Variants in KCND3 observed in about 807,000 individuals in gnomAD.
KCND3 encodes the protein A-type voltage-gated potassium channel KCND3.
KCND3 carries 9 observed loss-of-function variants against 51.1 expected under a neutral mutation model. That is an observed-to-expected ratio of 0.18 (90% CI 0.11 to 0.31). KCND3 has a LOEUF of 0.31. KCND3 is among the 10% of genes least tolerant of loss of function. KCND3 has a pLI of 1.00. For synonymous variants in KCND3, 349 were observed against 368.0 expected, an observed-to-expected ratio of 0.95 and a Z score of 0.59; for missense variants, 526 against 903.8, an observed-to-expected ratio of 0.58 and a Z score of 5.36.
chr1:111,979,874 T>C (rs72694640), intron 2 of KCND3, among the ~76,000 whole-genome samples: 8,672 of 152,244 alleles, frequency 0.057, 345 homozygotes, highest in Non-Finnish European at 0.082. Context: ...TTCCTCCACA[T>C]GGCTATCCTG....
intron 2 of KCND3, among the ~76,000 whole-genome samples, chr1:111,891,926 T>C (rs1292341960): frequency 6.6e-6 from 1 of 152,092 alleles, no homozygotes; most frequent in Non-Finnish European, 1.5e-5. Context: ...GACACCATCC[T>C]TGCCCTTATT....
intron 2 of KCND3, chr1:111,910,219 C>T (rs1195664089): frequency 6.6e-6 from 1 of 152,220 alleles, no homozygotes; most frequent in Non-Finnish European, 1.5e-5. Flanking sequence ...TTCGCACTGC[C>T]ATCCACAGAA....
chr1:111,859,286 C>T (rs1341992117), intron 2 of KCND3, among the ~76,000 whole-genome samples: 2 of 152,130 alleles, frequency 1.3e-5, no homozygotes, highest in Non-Finnish European at 2.9e-5. Flanking sequence ...TCTGAGTGCA[C>T]AGAGAAGCTC....
intron 2 of KCND3, among the ~76,000 whole-genome samples, chr1:111,972,376 T>G (rs985131690): frequency 8.6e-5 from 13 of 151,646 alleles, no homozygotes; most frequent in African/African-American, 3.1e-4. Flanking sequence ...GTTTCACCGT[T>G]TTAGCCGGGA....
intron 2 of KCND3, among the ~76,000 whole-genome samples, chr1:111,907,789 A>G (rs375799746): frequency 6.6e-6 from 1 of 152,232 alleles, no homozygotes; most frequent in South Asian, 2.1e-4. Flanking sequence ...TGGACTGGAA[A>G]GGAAAGCTGT....
chr1:111,847,231 T>C (rs1016526669), intron 2 of KCND3, among the ~76,000 whole-genome samples: 1 of 150,722 alleles, frequency 6.6e-6, no homozygotes, highest in Admixed American at 6.6e-5. Flanking sequence ...AGTATTGGGG[T>C]TTTCATATCA....
chr1:111,981,481 T>C lies in KCND3; in HGVS notation c.1106+140A>G. Reference sequence around the variant, plus strand: ...TGACTCATGGGCTTTACCCTTCGGATAGAGCAACTTCCCCTGCCCCCAACA... The same window carrying C: ...TGACTCATGGGCTTTACCCTTCGGACAGAGCAACTTCCCCTGCCCCCAACA... On this transcript the variant is annotated intron_variant, in intron 2 of 7. Transcript: ENST00000302127. The surrounding 1 kb of genome is among the most constrained non-coding windows in gnomAD (Gnocchi z 6.2). The C allele has an allele frequency of 5.6e-6, 7 of 1,245,438 alleles. No individual in the cohort carries two copies. Among genetic ancestry groups the C allele is most frequent in the Non-Finnish European group, 8.1e-6 (7 of 866,672 alleles). 77.1% of individuals were successfully genotyped at this position (1,245,438 alleles called of 1,614,324 possible).
chr1:111,808,188 A>T (rs1665666402), intron 2 of KCND3, among the ~76,000 whole-genome samples: 1 of 152,216 alleles, frequency 6.6e-6, no homozygotes, highest in Non-Finnish European at 1.5e-5. Context: ...AGAAGTAGGA[A>T]CTCAATAAAT....
At chr1:111,971,622 C>A in intron 2 of KCND3, among the ~76,000 whole-genome samples, 1 of 152,214 alleles carries the variant, frequency 6.6e-6, no homozygotes, top group East Asian at 1.9e-4. Context: ...GCCTGTTTAT[C>A]CTTTCTCCCT....
chr1:111,905,347 A>G (rs888872462), intron 2 of KCND3, among the ~76,000 whole-genome samples: 1 of 152,246 alleles, frequency 6.6e-6, no homozygotes, highest in East Asian at 1.9e-4. Flanking sequence ...TTGCTGTACC[A>G]GCACTCAGCT....
At chr1:111,790,460 T>A (rs1415500011) in intron 2 of KCND3, among the ~76,000 whole-genome samples, 1 of 152,166 alleles carries the variant, frequency 6.6e-6, no homozygotes, top group Non-Finnish European at 1.5e-5. Context: ...GCTGCCATAT[T>A]TCCCATGCCC....
At chr1:111,930,986 G>A (rs933592505) in intron 2 of KCND3, among the ~76,000 whole-genome samples, 4 of 152,140 alleles carry the variant, frequency 2.6e-5, no homozygotes, top group East Asian at 1.9e-4. Flanking sequence ...CCCATCCCAC[G>A]ACACCCCTGT....
At chr1:111,900,378 T>C (rs1164625984) in intron 2 of KCND3, among the ~76,000 whole-genome samples, 3 of 152,148 alleles carry the variant, frequency 2.0e-5, no homozygotes, top group Non-Finnish European at 4.4e-5. Context: ...TGCCAAACAT[T>C]CATTTGCATA....
chr1:111,968,150 C>A (rs1373935897), intron 2 of KCND3, among the ~76,000 whole-genome samples: 1 of 152,212 alleles, frequency 6.6e-6, no homozygotes, highest in African/African-American at 2.4e-5. Context: ...CCTGCCCAAA[C>A]TCTGAGCATG....
chr1:111,915,616 G>A (rs1035388343), intron 2 of KCND3, among the ~76,000 whole-genome samples: 4 of 151,886 alleles, frequency 2.6e-5, no homozygotes, highest in Admixed American at 6.6e-5. Context: ...AGCTGGGCGT[G>A]GTGGTGGGCG....
At position 111,965,438 on chromosome 1, in the gene KCND3, C is replaced by CCCCA. The variant is rs1553184422; in HGVS notation, c.1106+16182_1106+16183insTGGG. ...CCCCGACCCCTTATGGCCAGCAAAA[C>CCCCA]CACACACACACACACACACACACAC... is the stretch of plus-strand genomic sequence containing the variant. On this transcript the variant is annotated intron_variant, in intron 2 of 7. Transcript: ENST00000302127. Among the ~76,000 whole-genome samples, 4 of 72,368 alleles carry CCCCA rather than the reference C, an allele frequency of 5.5e-5. No homozygotes were observed. In the South Asian group the frequency reaches 3.4e-3, roughly 62 times the overall value. 47.5% of individuals were successfully genotyped at this position (72,368 alleles called of 152,430 possible). A position where few individuals can be genotyped will look rare whatever the true frequency, so the allele number is the denominator to read the frequency against.
At chr1:111,917,096 C>T (rs2101829017) in intron 2 of KCND3, among the ~76,000 whole-genome samples, 1 of 152,266 alleles carries the variant, frequency 6.6e-6, no homozygotes, top group East Asian at 1.9e-4. Flanking sequence ...AAATGTGATA[C>T]CTATTTATGA....
intron 2 of KCND3, among the ~76,000 whole-genome samples, chr1:111,848,385 G>T (rs1485138512): frequency 1.3e-5 from 2 of 152,204 alleles, no homozygotes; most frequent in Non-Finnish European, 2.9e-5. Context: ...AAAGTCCAAT[G>T]GAAATGTCAC....
In KCND3 at chr1:111,775,094, A is replaced by G. The variant is rs1664055301; in HGVS notation, c.*983T>C. On this transcript the variant is annotated 3_prime_UTR_variant, in exon 8 of 8. Transcript: ENST00000302127. The stretch of plus-strand genomic sequence containing the variant: ...CCAAGGGAAGTACCTCTGTTCTGTG[A>G]GGTAGACTTCCCTTACCCCTAAACT... The G allele has an allele frequency of 6.6e-6, 1 of 152,140 alleles. No individual in the cohort carries two copies. Among genetic ancestry groups the G allele is most frequent in the Non-Finnish European group, 1.5e-5 (1 of 68,026 alleles). 9.4% of individuals were successfully genotyped at this position (152,140 alleles called of 1,614,324 possible). A position where few individuals can be genotyped will look rare whatever the true frequency, so the allele number is the denominator to read the frequency against.
Sources: allele counts gnomAD v4.1 joint callset (sites outside exome capture counted in the v4.1 genomes callset), GRCh38; gene constraint gnomAD v4.1.1; non-coding constraint Gnocchi (gnomAD v3.1); transcripts MANE v1.5; gene names NCBI Gene and HGNC (gene_info 2026-07-23, HGNC 2026-07-21).